TSPAN5: variants seen among roughly 807,000 people sequenced by gnomAD.
The protein encoded by TSPAN5 is tetraspanin 5, also known as tetraspanin-5.
A neutral mutation model predicts 37.1 loss-of-function variants in TSPAN5; 10 were observed. The observed-to-expected ratio is 0.27, with a 90% confidence interval of 0.17 to 0.46. TSPAN5 has a LOEUF of 0.46. Among genes scored for constraint, TSPAN5 ranks in the 20% least tolerant of loss-of-function variants. The pLI, the probability that TSPAN5 is intolerant of heterozygous loss-of-function variation, is 1.00. For synonymous variants in TSPAN5, 110 were observed against 118.9 expected (o/e 0.93, Z 0.48); for missense variants, 195 against 326.6 (o/e 0.60, Z 3.11).
chr4:98,636,088 C>T (rs766994056), intron 1 of TSPAN5, among the ~76,000 whole-genome samples: 24 of 152,164 alleles, frequency 1.6e-4, no homozygotes, highest in Non-Finnish European at 2.9e-4. Flanking sequence ...AGACACCATA[C>T]CTTTGATGGA....
chr4:98,512,327 T>C (rs1393150955), intron 1 of TSPAN5, among the ~76,000 whole-genome samples: 1 of 152,210 alleles, frequency 6.6e-6, no homozygotes, highest in Admixed American at 6.5e-5. Context: ...ACTATTATAC[T>C]TTCCTAATAT....
chr4:98,522,848 A>G (rs900701052), intron 1 of TSPAN5, among the ~76,000 whole-genome samples: 15 of 152,320 alleles, frequency 9.8e-5, no homozygotes, highest in South Asian at 4.1e-4. Flanking sequence ...CTGTATGTTC[A>G]GCTCAGTTTT....
chr4:98,489,724 C>T (rs993297809), intron 2 of TSPAN5, among the ~76,000 whole-genome samples: 1 of 152,048 alleles, frequency 6.6e-6, no homozygotes, highest in Non-Finnish European at 1.5e-5. Flanking sequence ...TGTTCCTGCA[C>T]GGTCTAAGTG....
intron 1 of TSPAN5, among the ~76,000 whole-genome samples, chr4:98,515,601 CCAAA>C (rs977812827): frequency 6.6e-6 from 1 of 151,250 alleles, no homozygotes; most frequent in African/African-American, 2.4e-5. Context: ...ACACACACAC[CCAAA>C]CACAGAGGAT....
At chr4:98,572,171 A>G (rs1224932368) in intron 1 of TSPAN5, among the ~76,000 whole-genome samples, 1 of 151,752 alleles carries the variant, frequency 6.6e-6, no homozygotes, top group African/African-American at 2.4e-5. Flanking sequence ...GCCGTTAACA[A>G]TTTTTTCCAG....
rs146933965 is a variant in TSPAN5, at chr4:98,486,756, G to A, written c.261C>T (p.Asn87=). ...FAGCIGALRE[N]TFLLKFFSVF... ...TACTTACAAACTTGAGAAGGAAAGT[G>A]TTTTCCCGTAGCGCTCCAATGCACC... The change falls in exon 3 of 8, where the codon AAC becomes AAT. Residue 87 remains asparagine (N), a synonymous_variant. Coordinates refer to ENST00000305798, the MANE Select transcript of TSPAN5 (RefSeq NM_005723.4). 4.9e-3 allele frequency: 7,942 copies of A among 1,613,994 alleles called. 28 individuals carry two copies. The highest frequency in any genetic ancestry group is 5.7e-3 in the Non-Finnish European group (6,778 of 1,179,966).
chr4:98,522,176 C>T (rs1055187414), intron 1 of TSPAN5, among the ~76,000 whole-genome samples: 1 of 152,156 alleles, frequency 6.6e-6, no homozygotes, highest in Non-Finnish European at 1.5e-5. Context: ...ATGTGCCCAA[C>T]CCCCACATTA....
intron 1 of TSPAN5, among the ~76,000 whole-genome samples, chr4:98,592,344 G>C (rs1159402524): frequency 2.0e-5 from 3 of 149,334 alleles, no homozygotes; most frequent in African/African-American, 7.5e-5. Flanking sequence ...ACTTCAAAAT[G>C]AGCCAGTATT....
chr4:98,581,402 T>C (rs771084039), intron 1 of TSPAN5, among the ~76,000 whole-genome samples: 27 of 152,100 alleles, frequency 1.8e-4, no homozygotes, highest in Admixed American at 5.9e-4. Flanking sequence ...AAATGTATAA[T>C]TAGAGTCAGG....
At chr4:98,573,120 G>T (rs1755163597) in intron 1 of TSPAN5, among the ~76,000 whole-genome samples, 1 of 152,200 alleles carries the variant, frequency 6.6e-6, no homozygotes, top group South Asian at 2.1e-4. Flanking sequence ...TGGCTTCTCA[G>T]TTATTACCAT....
chr4:98,626,877 TG>T (rs1756612308), intron 1 of TSPAN5, among the ~76,000 whole-genome samples: 1 of 148,932 alleles, frequency 6.7e-6, no homozygotes, highest in Admixed American at 6.8e-5. Flanking sequence ...GTAAGCTTCA[TG>T]AGAGCAGGTT....
chr4:98,641,505 A>G (rs1040480862), intron 1 of TSPAN5, among the ~76,000 whole-genome samples: 1 of 152,022 alleles, frequency 6.6e-6, no homozygotes, highest in Non-Finnish European at 1.5e-5. Flanking sequence ...ATTCCAAAGC[A>G]TGAGAGTAAT....
At chr4:98,516,667 T>C (rs957798421) in intron 1 of TSPAN5, among the ~76,000 whole-genome samples, 5 of 152,188 alleles carry the variant, frequency 3.3e-5, no homozygotes, top group Non-Finnish European at 7.4e-5. Flanking sequence ...AGGTGGGGCT[T>C]AGTGGGAGGT....
At position 98,527,793 on chromosome 4, in the gene TSPAN5, T is replaced by C. The variant is rs1182891976; in HGVS notation, c.82-20065A>G. ...ATGGCTGTTAAAAGCCCGGATGTCA[T>C]CACTAGAGGCAGCTGAGAGAACATG... On this transcript the variant is annotated intron_variant, in intron 1 of 7. Coordinates refer to ENST00000305798, the MANE Select transcript of TSPAN5 (RefSeq NM_005723.4). 2.6e-5 allele frequency among the ~76,000 whole-genome samples: 4 copies of C among 152,166 alleles called. No individual in the cohort carries two copies. In the East Asian group the frequency reaches 7.7e-4, roughly 29 times the overall value.
intron 5 of TSPAN5, among the ~76,000 whole-genome samples, chr4:98,478,381 T>G (rs1320056192): frequency 1.3e-5 from 2 of 152,230 alleles, no homozygotes; most frequent in Non-Finnish European, 2.9e-5. Flanking sequence ...TTACACCTCA[T>G]GTGCCTTGAT....
intron 1 of TSPAN5, among the ~76,000 whole-genome samples, chr4:98,630,053 T>C (rs777107052): frequency 2.6e-5 from 4 of 152,178 alleles, no homozygotes; most frequent in East Asian, 3.9e-4. Flanking sequence ...ACTGACTGCA[T>C]TTGGTGTGGT....
intron 1 of TSPAN5, among the ~76,000 whole-genome samples, chr4:98,527,450 C>T (rs532006504): frequency 2.4e-4 from 36 of 152,238 alleles, no homozygotes; most frequent in African/African-American, 8.2e-4. Flanking sequence ...CTTAACGACC[C>T]TAAAAATATT....
In TSPAN5 at chr4:98,555,095, CT is replaced by C. The variant is rs200784894; in HGVS notation, c.82-47368del. 3.4e-3 allele frequency among the ~76,000 whole-genome samples: 516 copies of C among 152,314 alleles called. 15 individuals are homozygous for C. The highest frequency in any genetic ancestry group is 0.03 in the Admixed American group (455 of 15,296). On this transcript the variant is annotated intron_variant, in intron 1 of 7. Transcript: ENST00000305798. Reference sequence around the variant, plus strand: ...AGAGAGCTAACAGCGTGGGTGGTTACTGCTTCCAGCAGCCCCAATGGTACTG... The same window carrying C: ...AGAGAGCTAACAGCGTGGGTGGTTACGCTTCCAGCAGCCCCAATGGTACTG...
chr4:98,562,600 G>A (rs1199671470), intron 1 of TSPAN5, among the ~76,000 whole-genome samples: 1 of 152,160 alleles, frequency 6.6e-6, no homozygotes, highest in Admixed American at 6.5e-5. Flanking sequence ...GGTGGAGGTT[G>A]CAGAGAGCCG....
Sources: gnomAD v4.1 joint callset for allele counts (sites outside exome capture counted in the v4.1 genomes callset) on GRCh38, gnomAD v4.1.1 for gene constraint, MANE v1.5 for transcripts, NCBI Gene and HGNC (gene_info 2026-07-23, HGNC 2026-07-21) for gene names.